The following SDK1 variants were observed in gnomAD, a reference collection of about 807,000 sequenced individuals.
The protein encoded by SDK1 is protein sidekick-1.
In SDK1, 157 loss-of-function variants were observed where a neutral mutation model predicts 245.5. The ratio of observed to expected loss-of-function variants is 0.64; its 90% confidence interval spans 0.56 to 0.73. The LOEUF is 0.73. SDK1 is among the 30% of genes least tolerant of loss of function. The pLI is 0.00. For synonymous variants in SDK1, 1,647 were observed against 1,278.5 expected (o/e 1.29, Z -6.15); for missense variants, 3,583 against 3,002.3 (o/e 1.19, Z -4.52).
chr7:3,490,533 C>G (rs563548602), intron 1 of SDK1, among the ~76,000 whole-genome samples: 2 of 152,162 alleles, frequency 1.3e-5, no homozygotes, highest in Admixed American at 1.3e-4. Context: ...CTTTAAACAT[C>G]TTATTTTTTG....
intron 13 of SDK1, among the ~76,000 whole-genome samples, chr7:3,980,410 T>C (rs1783312597): frequency 6.6e-6 from 1 of 152,214 alleles, no homozygotes; most frequent in African/African-American, 2.4e-5. Flanking sequence ...TCGCTTCCAT[T>C]GTTCTCTGGG....
chr7:3,835,322 C>T (rs1780006177), intron 5 of SDK1, among the ~76,000 whole-genome samples: 1 of 152,140 alleles, frequency 6.6e-6, no homozygotes, highest in African/African-American at 2.4e-5. Context: ...TGCATTTGAC[C>T]TGCTGGTTGC....
rs187741691 is a variant in SDK1 at position 4,197,056 on chromosome 7, A to G, written c.5099-8823A>G. 6.6e-5 allele frequency among the ~76,000 whole-genome samples: 10 copies of G among 152,338 alleles called. No homozygotes were observed. In the East Asian group the frequency reaches 1.9e-3, roughly 29 times the overall value. On this transcript the variant is annotated intron_variant, in intron 35 of 44. Coordinates refer to ENST00000404826, the MANE Select transcript of SDK1 (RefSeq NM_152744.4). ...GAAATAATGGGAGTGGCCTCCAACG[A>G]TCTGCTGTGCAATCCACACGGGCAA...
intron 4 of SDK1, among the ~76,000 whole-genome samples, chr7:3,756,496 T>G (rs1023667119): frequency 2.0e-5 from 3 of 152,184 alleles, no homozygotes; most frequent in Non-Finnish European, 2.9e-5. Flanking sequence ...CACATGGCAT[T>G]GTGCGTGTGA....
chr7:3,836,856 C>A (rs974044171), intron 5 of SDK1, among the ~76,000 whole-genome samples: 1 of 152,070 alleles, frequency 6.6e-6, no homozygotes, highest in African/African-American at 2.4e-5. Flanking sequence ...AACTGGAAGT[C>A]CAAGATGAAA....
At chr7:3,843,516 A>C (rs1193885675) in intron 5 of SDK1, among the ~76,000 whole-genome samples, 1 of 152,198 alleles carries the variant, frequency 6.6e-6, no homozygotes, top group South Asian at 2.1e-4. Context: ...TCAATTGGTG[A>C]TATTCCTTCA....
intron 14 of SDK1, 73 bp downstream of exon 14, chr7:3,987,395 T>C: frequency 6.6e-7 from 1 of 1,510,110 alleles, no homozygotes; most frequent in Admixed American, 1.7e-5. Flanking sequence ...GTCCTTAACC[T>C]TTACTTCTGG....
At chr7:3,891,273 G>A (rs1562516296) in intron 5 of SDK1, among the ~76,000 whole-genome samples, 3 of 152,060 alleles carry the variant, frequency 2.0e-5, no homozygotes, top group Non-Finnish European at 2.9e-5. Context: ...TCGTGCTCCC[G>A]GGGAGGACTT....
intron 1 of SDK1, among the ~76,000 whole-genome samples, chr7:3,547,627 G>C (rs772079226): frequency 6.6e-6 from 1 of 152,162 alleles, no homozygotes; most frequent in Non-Finnish European, 1.5e-5. Context: ...CCCTGACCTA[G>C]TCCATGCTTG....
intron 5 of SDK1, among the ~76,000 whole-genome samples, chr7:3,923,346 A>G (rs925595342): frequency 1.3e-5 from 2 of 152,152 alleles, no homozygotes; most frequent in African/African-American, 4.8e-5. Flanking sequence ...ATGAATGTGC[A>G]GGCTGTATTG....
At chr7:3,356,123 G>C (rs976410593) in intron 1 of SDK1, among the ~76,000 whole-genome samples, 2 of 152,286 alleles carry the variant, frequency 1.3e-5, no homozygotes, top group African/African-American at 4.8e-5. Context: ...GCTTTTACAA[G>C]CTATTTTCTT....
In SDK1 at chr7:3,629,033, C is replaced by T. The variant is rs553526451; in HGVS notation, c.458+9794C>T. On this transcript the variant is annotated intron_variant, in intron 2 of 44. Transcript: ENST00000404826. ...ACAGGCCAAGCGCAGTGGCTCACAC[C>T]TATAATCCCAGCACTTTGGGAGGCG... Among the ~76,000 whole-genome samples the T allele has an allele frequency of 9.2e-5, 14 of 152,002 alleles. No homozygotes were observed. In the East Asian group the frequency reaches 2.7e-3, roughly 30 times the overall value.
At chr7:3,940,111 A>C (rs1016642426) in intron 5 of SDK1, among the ~76,000 whole-genome samples, 2 of 150,772 alleles carry the variant, frequency 1.3e-5, no homozygotes, top group African/African-American at 4.9e-5. Flanking sequence ...TCTCATTGTC[A>C]GAAAGCAGGT....
At chr7:3,319,538 G>A (rs925808787) in intron 1 of SDK1, among the ~76,000 whole-genome samples, 1 of 150,790 alleles carries the variant, frequency 6.6e-6, no homozygotes, top group Non-Finnish European at 1.5e-5. Flanking sequence ...TGGCTTCTTG[G>A]CCTGGCAGGC....
In SDK1 at chr7:4,206,001, C is replaced by G. The variant is rs1784201803; in HGVS notation, c.5214+7C>G. 3 of 1,515,710 alleles carry G rather than the reference C, an allele frequency of 2.0e-6. No individual in the cohort carries two copies. The highest frequency in any genetic ancestry group is 2.7e-6 in the Non-Finnish European group (3 of 1,124,998). The allele number at this position is 1,515,710 out of a possible 1,614,324, so 93.9% of individuals were successfully genotyped here. A position where few individuals can be genotyped will look rare whatever the true frequency, so the allele number is the denominator to read the frequency against. ...GAACATCCAAGGCTACAAGGCAAGG[C>G]CCTCCCGTGCGGTTGCCTCCCCTGG... On this transcript the variant is annotated splice_region_variant and intron_variant, in intron 36 of 44. Transcript: ENST00000404826.
chr7:3,576,830 C>T (rs1284807308), intron 1 of SDK1, among the ~76,000 whole-genome samples: 1 of 152,018 alleles, frequency 6.6e-6, no homozygotes, highest in Non-Finnish European at 1.5e-5. Flanking sequence ...AAATTATATA[C>T]AGTGCATAGT....
At chr7:3,995,479 C>T (rs957707521) in intron 14 of SDK1, among the ~76,000 whole-genome samples, 1 of 152,198 alleles carries the variant, frequency 6.6e-6, no homozygotes, top group African/African-American at 2.4e-5. Context: ...GGCGCTGACC[C>T]CAACACCTCC....
intron 1 of SDK1, among the ~76,000 whole-genome samples, chr7:3,382,903 T>A (rs1056718629): frequency 2.2e-4 from 34 of 152,174 alleles, no homozygotes; most frequent in African/African-American, 7.7e-4. Context: ...TGACTTGTGA[T>A]CAACATATAT....
At chr7:3,904,161 A>G (rs534743208) in intron 5 of SDK1, among the ~76,000 whole-genome samples, 7 of 152,232 alleles carry the variant, frequency 4.6e-5, no homozygotes, top group Admixed American at 1.3e-4. Context: ...TGAAAACATT[A>G]TGCTGAGTGA....
Sources: allele counts gnomAD v4.1 joint callset (sites outside exome capture counted in the v4.1 genomes callset), GRCh38; gene constraint gnomAD v4.1.1; transcripts MANE v1.5; gene names NCBI Gene and HGNC (gene_info 2026-07-23, HGNC 2026-07-21).